Variants in FBXW11 observed in about 807,000 individuals in gnomAD.
FBXW11 encodes F-box/WD repeat-containing protein 11.
A neutral mutation model predicts 77.6 loss-of-function variants in FBXW11; 19 were observed. That is an observed-to-expected ratio of 0.24 (90% CI 0.17 to 0.36). FBXW11 has a LOEUF of 0.36. Among genes scored for constraint, FBXW11 ranks in the 10% least tolerant of loss-of-function variants. The probability of loss-of-function intolerance (pLI) is 1.00; values close to 1 mark genes in which losing one functional copy is unlikely to be tolerated. For synonymous variants in FBXW11, 235 were observed against 249.4 expected (o/e 0.94, Z 0.54); for missense variants, 334 against 704.2 (o/e 0.47, Z 5.95).
At chr5:171,907,151 A>C (rs1760582140) in intron 4 of FBXW11, among the ~76,000 whole-genome samples, 1 of 152,238 alleles carries the variant, frequency 6.6e-6, no homozygotes, top group African/African-American at 2.4e-5. Flanking sequence ...ATTTTTAGAA[A>C]GGCATATCAT....
chr5:171,995,927 C>T (rs892436906), intron 1 of FBXW11, among the ~76,000 whole-genome samples: 6 of 152,098 alleles, frequency 3.9e-5, no homozygotes, highest in Admixed American at 3.9e-4. Flanking sequence ...CAGAAAGAGT[C>T]AGAGCTTTGA....
chr5:171,939,696 C>CAAAAAA (rs58051402), intron 2 of FBXW11, among the ~76,000 whole-genome samples: 1 of 80,034 alleles, frequency 1.2e-5, no homozygotes, highest in Non-Finnish European at 2.6e-5. Flanking sequence ...GACCCTGTCT[C>CAAAAAA]AAAAAAAAAA....
At chr5:171,939,696 CAAAAAAAAAAA>C (rs58051402) in intron 2 of FBXW11, among the ~76,000 whole-genome samples, 14 of 80,062 alleles carry the variant, frequency 1.7e-4, no homozygotes, top group East Asian at 7.5e-4. Context: ...GACCCTGTCT[CAAAAAAAAAAA>C]AAAAAAAAAA....
intron 1 of FBXW11, among the ~76,000 whole-genome samples, chr5:171,995,210 A>T (rs780248484): frequency 1.3e-5 from 2 of 152,198 alleles, no homozygotes; most frequent in Non-Finnish European, 2.9e-5. Context: ...AGGCCAAAAG[A>T]AGTCTACATA....
chr5:171,948,095 C>T (rs1650995682), intron 2 of FBXW11, among the ~76,000 whole-genome samples: 1 of 151,378 alleles, frequency 6.6e-6, no homozygotes, highest in Admixed American at 6.6e-5. Context: ...ATTAGCTGGG[C>T]ATGGTGGCAC....
chr5:171,988,609 C>T (rs1262963456), intron 1 of FBXW11, among the ~76,000 whole-genome samples: 1 of 152,034 alleles, frequency 6.6e-6, no homozygotes, highest in Non-Finnish European at 1.5e-5. Flanking sequence ...CTTTGGGAGG[C>T]CAAGGCAGGC....
chr5:171,898,838 A>G (rs1428906427), intron 6 of FBXW11, among the ~76,000 whole-genome samples, 166 bp downstream of exon 6: 1 of 152,214 alleles, frequency 6.6e-6, no homozygotes, highest in African/African-American at 2.4e-5. Context: ...TTCTCTGCAG[A>G]ATAGCTGCAG....
intron 2 of FBXW11, among the ~76,000 whole-genome samples, chr5:171,923,897 G>T (rs923788858): frequency 7.0e-6 from 1 of 143,274 alleles, no homozygotes; most frequent in African/African-American, 2.6e-5. Flanking sequence ...AGGGTCCGCG[G>T]TGAAACCCCA....
At position 171,998,336 on chromosome 5, in the gene FBXW11, C is replaced by CTTTTTTTTTT. The variant is rs778327855; in HGVS notation, c.45+8112_45+8121dup. ...ACAGCCCATGATATTTTTTTCTTGTCTTTTTTTTTTTTTTTTTAAGTAGAG... is the reference window on the plus strand; with the variant it reads ...ACAGCCCATGATATTTTTTTCTTGTCTTTTTTTTTTTTTTTTTTTTTTTTTTTAAGTAGAG... On this transcript the variant is annotated intron_variant, in intron 1 of 13. Transcript: ENST00000517395. Among the ~76,000 whole-genome samples, 139 of 114,814 alleles carry CTTTTTTTTTT rather than the reference C, an allele frequency of 1.2e-3. 11 individuals are homozygous for CTTTTTTTTTT. The highest frequency in any genetic ancestry group is 5.5e-3 in the African/African-American group (131 of 24,018). The allele number at this position is 114,814 out of a possible 152,430, so 75.3% of individuals were successfully genotyped here. A position where few individuals can be genotyped will look rare whatever the true frequency, so the allele number is the denominator to read the frequency against.
intron 1 of FBXW11, among the ~76,000 whole-genome samples, chr5:171,982,220 C>G (rs555330786): frequency 6.6e-6 from 1 of 152,206 alleles, no homozygotes; most frequent in East Asian, 1.9e-4. Context: ...GATACTACCA[C>G]GCACCCATTA....
At chr5:171,980,857 C>T (rs984640653) in intron 1 of FBXW11, among the ~76,000 whole-genome samples, 5 of 152,218 alleles carry the variant, frequency 3.3e-5, no homozygotes, top group East Asian at 1.9e-4. Context: ...GGCACAAAAG[C>T]GAAAATTCTT....
At chr5:171,913,507 A>G (rs1157252457) in intron 3 of FBXW11, among the ~76,000 whole-genome samples, 3 of 152,186 alleles carry the variant, frequency 2.0e-5, no homozygotes, top group Non-Finnish European at 2.9e-5. Flanking sequence ...GCACTATTCT[A>G]TAGCACATTT....
intron 2 of FBXW11, among the ~76,000 whole-genome samples, chr5:171,936,109 T>TAAAAAAAAAAAAAA (rs61349170): frequency 1.7e-5 from 1 of 59,344 alleles, no homozygotes; most frequent in Non-Finnish European, 3.3e-5. Context: ...AGACTCCATC[T>TAAAAAAAAAAAAAA]AAAAAAAAAA....
rs1759342218 is a variant in FBXW11 at position 171,891,460 on chromosome 5, C to CTGA, written c.852+6_852+7insTCA. On this transcript the variant is annotated splice_region_variant and intron_variant, in intron 7 of 13. Transcript: ENST00000517395. ...AAAAATAATACATAAAAAATTCAGT[C>CTGA]ATTCACCTTAATAGAATTATCTCGT... 4 of 1,574,174 alleles carry CTGA rather than the reference C, an allele frequency of 2.5e-6. No homozygotes were observed. Among genetic ancestry groups the CTGA allele is most frequent in the Non-Finnish European group, 3.4e-6 (4 of 1,162,340 alleles).
intron 4 of FBXW11, among the ~76,000 whole-genome samples, chr5:171,905,591 C>CT (rs200358572): frequency 2.2e-4 from 22 of 98,944 alleles, no homozygotes; most frequent in Admixed American, 5.9e-4. Context: ...AAAAGCTAAC[C>CT]CCCCCCCCTT....
intron 4 of FBXW11, among the ~76,000 whole-genome samples, chr5:171,908,115 T>G (rs565755800): frequency 1.3e-5 from 2 of 151,628 alleles, no homozygotes; most frequent in African/African-American, 2.4e-5. Context: ...AAAAAAAGAC[T>G]CTGTCTTTTC....
At position 171,872,939 on chromosome 5, in the gene FBXW11, G is replaced by A. The variant is rs1757845460; in HGVS notation, c.1273C>T (p.Arg425Trp). 1 of 1,613,878 alleles carries A rather than the reference G, an allele frequency of 6.2e-7. No individual in the cohort carries two copies. The highest frequency in any genetic ancestry group is 8.5e-7 in the Non-Finnish European group (1 of 1,179,988). The change falls in exon 10 of 14, where the codon CGG becomes TGG. Residue 425 changes from arginine (R) to tryptophan (W), a missense_variant. Arg to Trp is a moderately radical substitution (Grantham distance 101). Around this residue, in one of 10 missense-constraint regions of FBXW11, gnomAD observed 50 missense variants for 119.6 expected, o/e 0.42. Transcript: ENST00000517395. ...EFVRTLNGHKRGIACLQYRDR... is the reference protein window; with the variant it reads ...EFVRTLNGHKWGIACLQYRDR... Reference sequence around the variant, plus strand: ...CTGTACTGGAGACAGGCAATGCCCCGCTTGTGCCCATTGAGAGTACGAACA... The same window carrying A: ...CTGTACTGGAGACAGGCAATGCCCCACTTGTGCCCATTGAGAGTACGAACA...
chr5:171,900,241 A>ATGG, intron 4 of FBXW11, 141 bp from the exon 5 acceptor site: 1 of 658,874 alleles, frequency 1.5e-6, no homozygotes, highest in Non-Finnish European at 2.5e-6. Flanking sequence ...ACAGATACTC[A>ATGG]AATCCATGAG....
At chr5:171,982,530 TG>T (rs200644010) in intron 1 of FBXW11, among the ~76,000 whole-genome samples, 2,894 of 152,318 alleles carry the variant, frequency 0.019, 40 homozygotes, top group Middle Eastern at 0.027. Context: ...CCTAAAGTGC[TG>T]GGATTACAGG....
Sources: allele counts gnomAD v4.1 joint callset (sites outside exome capture counted in the v4.1 genomes callset), GRCh38; gene constraint gnomAD v4.1.1; regional missense constraint gnomAD v4.1.1; transcripts MANE v1.5; gene names NCBI Gene and HGNC (gene_info 2026-07-23, HGNC 2026-07-21).